NREP: variants seen among roughly 807,000 people sequenced by gnomAD.
NREP encodes the protein neuronal regeneration related protein, also known as neuronal regeneration-related protein.
A neutral mutation model predicts 8.6 loss-of-function variants in NREP; 5 were observed. That is an observed-to-expected ratio of 0.58 (90% CI 0.30 to 1.22). NREP has a LOEUF of 1.22. NREP is among the 50% of genes most tolerant of loss of function. The probability of loss-of-function intolerance (pLI) is 0.07; values close to 1 mark genes in which losing one functional copy is unlikely to be tolerated. For missense variants in NREP, 86 were observed against 82.5 expected (o/e 1.04, Z -0.17); for synonymous variants, 27 against 28.0 (o/e 0.96, Z 0.11).
At chr5:111,932,536 G>T (rs1298355643) in intron 2 of NREP, among the ~76,000 whole-genome samples, 1 of 152,000 alleles carries the variant, frequency 6.6e-6, no homozygotes, top group African/African-American at 2.4e-5. Context: ...TATTCAAAAA[G>T]ATCAGGACTT....
intron 2 of NREP, among the ~76,000 whole-genome samples, chr5:111,916,727 A>G (rs1413714651): frequency 1.3e-5 from 2 of 152,120 alleles, no homozygotes; most frequent in Admixed American, 6.6e-5. Context: ...CCTACTTCAC[A>G]GGGTTGTTTA....
chr5:111,787,605 G>C (rs534491542), intron 2 of NREP, among the ~76,000 whole-genome samples: 1 of 151,170 alleles, frequency 6.6e-6, no homozygotes, highest in South Asian at 2.1e-4. Context: ...AAAGAAAGGA[G>C]GGCTTGAAAA....
At chr5:111,772,158 T>C (rs989514710) in intron 2 of NREP, among the ~76,000 whole-genome samples, 16 of 152,182 alleles carry the variant, frequency 1.1e-4, no homozygotes, top group Non-Finnish European at 4.4e-5. Flanking sequence ...AATTACTGTG[T>C]GAAAATTTAC....
intron 2 of NREP, among the ~76,000 whole-genome samples, chr5:111,743,856 A>G (rs1749832407): frequency 6.6e-6 from 1 of 152,104 alleles, no homozygotes; most frequent in African/African-American, 2.4e-5. Flanking sequence ...CAAGAATGCT[A>G]TGTTTTCTTT....
At chr5:111,955,500 A>G (rs766453453) in intron 2 of NREP, among the ~76,000 whole-genome samples, 1 of 49,238 alleles carries the variant, frequency 2.0e-5, no homozygotes, top group Non-Finnish European at 6.9e-5. Context: ...AAAAAACAAA[A>G]AAAAAAAACA....
At chr5:111,975,903 C>T (rs1307098030) in intron 1 of NREP, among the ~76,000 whole-genome samples, 1 of 152,126 alleles carries the variant, frequency 6.6e-6, no homozygotes, top group Non-Finnish European at 1.5e-5. Flanking sequence ...GCTTTGTATT[C>T]TTTGTCAGTG....
At chr5:111,756,666 C>T (rs1273991229) in intron 1 of NREP, among the ~76,000 whole-genome samples, 1 of 152,098 alleles carries the variant, frequency 6.6e-6, no homozygotes, top group East Asian at 1.9e-4. Context: ...GAAAAAAGTG[C>T]TGCAAGATCG....
At position 111,742,849 on chromosome 5, in the gene NREP, G is replaced by C. The variant is rs1749767363; in HGVS notation, c.4-7342C>G. Among the ~76,000 whole-genome samples the C allele has an allele frequency of 2.6e-5, 4 of 152,082 alleles. 1 individual carries two copies. The South Asian group carries it at 8.3e-4, about 32-fold the overall frequency. On this transcript the variant is annotated intron_variant, in intron 2 of 3. Coordinates refer to ENST00000257435, the MANE Select transcript of NREP (RefSeq NM_004772.4). ...TTTAGCACAAAGCAATCCACCTAAAGACTCCATAAATCCAAAAAAGGGAGT... is the reference window on the plus strand; with the variant it reads ...TTTAGCACAAAGCAATCCACCTAAACACTCCATAAATCCAAAAAAGGGAGT...
At chr5:111,818,906 C>T (rs1351455921) in intron 2 of NREP, among the ~76,000 whole-genome samples, 1 of 152,070 alleles carries the variant, frequency 6.6e-6, no homozygotes, top group Non-Finnish European at 1.5e-5. Context: ...GGTAGATAAA[C>T]TATTTAAACC....
At chr5:111,931,723 G>T (rs1755542170) in intron 2 of NREP, among the ~76,000 whole-genome samples, 1 of 152,122 alleles carries the variant, frequency 6.6e-6, no homozygotes, top group South Asian at 2.1e-4. Context: ...TCAAACAAAG[G>T]CATAGTAATT....
At chr5:111,842,819 T>C (rs1000821819) in intron 2 of NREP, among the ~76,000 whole-genome samples, 2 of 152,334 alleles carry the variant, frequency 1.3e-5, no homozygotes, top group South Asian at 2.1e-4. Flanking sequence ...CACTCCTTCA[T>C]TGCTGAAGAA....
At chr5:111,769,925 G>A (rs1238454342) in intron 2 of NREP, among the ~76,000 whole-genome samples, 1 of 152,094 alleles carries the variant, frequency 6.6e-6, no homozygotes, top group Non-Finnish European at 1.5e-5. Context: ...AGAGCCAAAC[G>A]CCAAACCATA....
intron 2 of NREP, among the ~76,000 whole-genome samples, chr5:111,963,525 A>C (rs1241362049): frequency 6.6e-6 from 1 of 152,240 alleles, no homozygotes; most frequent in East Asian, 1.9e-4. Context: ...AAATGAGACT[A>C]AACTTCTCCC....
At chr5:111,797,229 G>A (rs945705982) in intron 2 of NREP, among the ~76,000 whole-genome samples, 5 of 152,186 alleles carry the variant, frequency 3.3e-5, no homozygotes, top group African/African-American at 1.2e-4. Flanking sequence ...TACCCATTAA[G>A]TTCCAGGCAC....
chr5:111,973,307 A>C (rs527327835), intron 2 of NREP, among the ~76,000 whole-genome samples: 1 of 152,294 alleles, frequency 6.6e-6, no homozygotes, highest in East Asian at 1.9e-4. Context: ...ATTAAGATGA[A>C]ACCTAATGGA....
intron 2 of NREP, among the ~76,000 whole-genome samples, chr5:111,923,611 T>C (rs1187855798): frequency 6.6e-6 from 1 of 152,054 alleles, no homozygotes; most frequent in Non-Finnish European, 1.5e-5. Context: ...TTCTCCAGGG[T>C]TTATTTGGTG....
At chr5:111,798,160 A>G (rs1751915351) in intron 2 of NREP, among the ~76,000 whole-genome samples, 1 of 152,190 alleles carries the variant, frequency 6.6e-6, no homozygotes, top group South Asian at 2.1e-4. Flanking sequence ...ATTTTTAGCA[A>G]AGCTGAATTT....
At chr5:111,839,258 A>C (rs912934861) in intron 2 of NREP, among the ~76,000 whole-genome samples, 1 of 152,242 alleles carries the variant, frequency 6.6e-6, no homozygotes, top group East Asian at 1.9e-4. Context: ...TAAGGCTATG[A>C]TGTGGTTGTC....
At chr5:111,953,211 AT>A (rs1278885687) in intron 2 of NREP, among the ~76,000 whole-genome samples, 1 of 151,944 alleles carries the variant, frequency 6.6e-6, no homozygotes, top group African/African-American at 2.4e-5. Flanking sequence ...TGCAGGGTGA[AT>A]GATTTAGGAA....
Sources: allele counts gnomAD v4.1 joint callset (sites outside exome capture counted in the v4.1 genomes callset), GRCh38; gene constraint gnomAD v4.1.1; transcripts MANE v1.5; gene names NCBI Gene and HGNC (gene_info 2026-07-23, HGNC 2026-07-21).